PRDM16: variants seen among roughly 807,000 people sequenced by gnomAD.
PRDM16 encodes the protein histone-lysine N-methyltransferase PRDM16.
In PRDM16, 23 loss-of-function variants were observed where a neutral mutation model predicts 110.6. The ratio of observed to expected loss-of-function variants is 0.21; its 90% CI spans 0.15 to 0.29. The LOEUF is 0.29. PRDM16 is among the 10% of genes least tolerant of loss of function. The pLI is 1.00. For missense variants in PRDM16, 1,615 were observed against 1,794.3 expected (o/e 0.90, Z 1.81); for synonymous variants, 799 against 781.8 (o/e 1.02, Z -0.37).
rs2100576697 is a variant in PRDM16 at position 3,080,781 on chromosome 1, C to T, written c.37+11485C>T. ...GCGGTTTCTTCCGGGCCGGGGAAAT[C>T]TGAGCAGCCACAGGCGAATCTGGGA... On this transcript the variant is annotated intron_variant, in intron 1 of 16. Coordinates refer to ENST00000270722, the MANE Select transcript of PRDM16 (RefSeq NM_022114.4). The surrounding 1 kb of genome is among the most constrained non-coding windows in gnomAD (Gnocchi z 5.2). Among the ~76,000 whole-genome samples, 1 of 152,278 alleles carries T rather than the reference C, an allele frequency of 6.6e-6. No individual in the cohort carries two copies. Among genetic ancestry groups the T allele is most frequent in the Non-Finnish European group, 1.5e-5 (1 of 68,016 alleles).
chr1:3,101,530 G>A (rs1642534059), intron 1 of PRDM16, among the ~76,000 whole-genome samples: 1 of 152,236 alleles, frequency 6.6e-6, no homozygotes, highest in Admixed American at 6.5e-5. Context: ...GGGACACGGG[G>A]CCTGGAGAGG....
chr1:3,435,980 C>T lies in PRDM16; in HGVS notation c.*2169C>T, dbSNP rs961267283. 4.3e-5 allele frequency: 10 copies of T among 230,156 alleles called. No individual in the cohort carries two copies. The highest frequency in any genetic ancestry group is 6.6e-5 in the African/African-American group (3 of 45,130). 14.3% of individuals were successfully genotyped at this position (230,156 alleles called of 1,614,324 possible). On this transcript the variant is annotated 3_prime_UTR_variant, in exon 17 of 17. Coordinates refer to ENST00000270722, the MANE Select transcript of PRDM16 (RefSeq NM_022114.4). ...AGCTGCCTGCAGAAGAGCCAGCTGG[C>T]GTGTCGGGAAGGATCCAGGATCTGC... is the stretch of plus-strand genomic sequence containing the variant.
chr1:3,250,515 C>T (rs1639906148), intron 3 of PRDM16, among the ~76,000 whole-genome samples: 2 of 152,306 alleles, frequency 1.3e-5, no homozygotes, highest in South Asian at 4.1e-4. Flanking sequence ...ACCCCACCCC[C>T]ACCTCACCTG....
chr1:3,336,296 G>A (rs1024242603), intron 3 of PRDM16, among the ~76,000 whole-genome samples: 3 of 152,228 alleles, frequency 2.0e-5, no homozygotes, highest in African/African-American at 7.2e-5. Context: ...GTATGAGCAC[G>A]TGTGTGTCTG....
chr1:3,094,019 G>A (rs1048438046), intron 1 of PRDM16, among the ~76,000 whole-genome samples: 4 of 152,254 alleles, frequency 2.6e-5, no homozygotes, highest in Admixed American at 2.6e-4. Flanking sequence ...TTCAGGAAGT[G>A]CCGAGCAGAA....
intron 3 of PRDM16, among the ~76,000 whole-genome samples, chr1:3,340,023 A>G (rs1642240565): frequency 6.6e-6 from 1 of 152,184 alleles, no homozygotes; most frequent in Non-Finnish European, 1.5e-5. Flanking sequence ...TGCTCCGTCA[A>G]TGGCAGGCGA....
chr1:3,219,338 G>A (rs1353092785), intron 2 of PRDM16, among the ~76,000 whole-genome samples: 1 of 152,246 alleles, frequency 6.6e-6, no homozygotes, highest in African/African-American at 2.4e-5. Context: ...GCTCTAAAGA[G>A]GGTCAGGGCA....
At chr1:3,254,968 G>A (rs1385376852) in intron 3 of PRDM16, among the ~76,000 whole-genome samples, 8 of 152,140 alleles carry the variant, frequency 5.3e-5, no homozygotes, top group Admixed American at 2.6e-4. Context: ...GATATAGATC[G>A]ATGGAACAGA....
At chr1:3,402,207 G>A (rs979384005) in intron 5 of PRDM16, among the ~76,000 whole-genome samples, 5 of 152,176 alleles carry the variant, frequency 3.3e-5, no homozygotes, top group African/African-American at 9.7e-5. Flanking sequence ...GGGGTCTCCC[G>A]TCTTAGGTGG....
At chr1:3,379,214 C>G (rs1643053975) in intron 3 of PRDM16, among the ~76,000 whole-genome samples, 1 of 96,608 alleles carries the variant, frequency 1.0e-5, no homozygotes, top group Admixed American at 9.6e-5. Flanking sequence ...ACACCTCTCC[C>G]AGCACACCCC....
Position 3,359,180 on chromosome 1 carries a change from C to T in PRDM16, c.439-25972C>T, listed in dbSNP as rs534421225. On this transcript the variant is annotated intron_variant, in intron 3 of 16. Coordinates refer to ENST00000270722, the MANE Select transcript of PRDM16 (RefSeq NM_022114.4). The surrounding 1 kb of genome is among the most constrained non-coding windows in gnomAD (Gnocchi z 4.3). ...TCAGCCTCCCGAGTAGCTGGGACTACAGGCAGGTGCCACCGTGCCTAGTTA... is the reference window on the plus strand; with the variant it reads ...TCAGCCTCCCGAGTAGCTGGGACTATAGGCAGGTGCCACCGTGCCTAGTTA... Among the ~76,000 whole-genome samples, 2 of 152,274 alleles carry T rather than the reference C, an allele frequency of 1.3e-5. No homozygotes were observed. The highest frequency in any genetic ancestry group is 6.5e-5 in the Admixed American group (1 of 15,306).
In PRDM16 at chr1:3,425,397, A is replaced by T. The variant is rs1638573201; in HGVS notation, c.2940-184A>T. On this transcript the variant is annotated intron_variant, in intron 12 of 16. Transcript: ENST00000270722. This position sits in a 1 kb window ranked among gnomAD's most constrained non-coding sequence, Gnocchi z 6.9. Reference sequence around the variant, plus strand: ...CTTGAAGCCGGGGCTGTTTCTAGGGACAGCTTCCCCAGGATGCCTTTGGCT... The same window carrying T: ...CTTGAAGCCGGGGCTGTTTCTAGGGTCAGCTTCCCCAGGATGCCTTTGGCT... 5 of 589,866 alleles carry T rather than the reference A, an allele frequency of 8.5e-6. No homozygotes were observed. Among genetic ancestry groups the T allele is most frequent in the Admixed American group, 3.3e-5 (1 of 30,666 alleles). 36.5% of individuals were successfully genotyped at this position (589,866 alleles called of 1,614,324 possible).
chr1:3,254,712 G>A lies in PRDM16; in HGVS notation c.438+10575G>A, dbSNP rs562392306. ...CTCATGGATAGGAAGAATCAATATC[G>A]TGAAAATGGCCATACTGCCCAAGGT... is the stretch of plus-strand genomic sequence containing the variant. On this transcript the variant is annotated intron_variant, in intron 3 of 16. Coordinates refer to ENST00000270722, the MANE Select transcript of PRDM16 (RefSeq NM_022114.4). Among the ~76,000 whole-genome samples the A allele has an allele frequency of 2.0e-4, 30 of 152,094 alleles. No individual in the cohort carries two copies. In the South Asian group the frequency reaches 3.5e-3, roughly 18 times the overall value.
At chr1:3,107,810 C>G (rs1009352108) in intron 1 of PRDM16, among the ~76,000 whole-genome samples, 15 of 152,388 alleles carry the variant, frequency 9.8e-5, no homozygotes, top group African/African-American at 3.4e-4. Flanking sequence ...GCCTCACTCT[C>G]TCCCTGCCCT....
chr1:3,242,707 A>T (rs188718173), intron 2 of PRDM16, among the ~76,000 whole-genome samples: 1 of 152,168 alleles, frequency 6.6e-6, no homozygotes, highest in Non-Finnish European at 1.5e-5. Context: ...CAGCTCGTCA[A>T]TTGCACCTTG....
At chr1:3,228,186 G>A (rs565582119) in intron 2 of PRDM16, among the ~76,000 whole-genome samples, 1 of 152,350 alleles carries the variant, frequency 6.6e-6, no homozygotes, top group African/African-American at 2.4e-5. Context: ...CGGGACTGAA[G>A]CCTGGAAAAG....
chr1:3,332,236 A>T (rs1220825292), intron 3 of PRDM16, among the ~76,000 whole-genome samples: 1 of 152,282 alleles, frequency 6.6e-6, no homozygotes, highest in African/African-American at 2.4e-5. Flanking sequence ...AGATTCTGCC[A>T]CGCGCTGTGT....
At chr1:3,406,549 G>A (rs1248598999) in intron 8 of PRDM16, among the ~76,000 whole-genome samples, 2 of 151,492 alleles carry the variant, frequency 1.3e-5, no homozygotes, top group African/African-American at 4.9e-5. Flanking sequence ...GAGCAATGTA[G>A]CAAGACACCA....
At chr1:3,084,439 G>C (rs954797484) in intron 1 of PRDM16, among the ~76,000 whole-genome samples, 1 of 152,214 alleles carries the variant, frequency 6.6e-6, no homozygotes, top group Non-Finnish European at 1.5e-5. Flanking sequence ...GCTCTGGCAC[G>C]AGGCCCTTTG....
Sources: allele counts gnomAD v4.1 joint callset (sites outside exome capture counted in the v4.1 genomes callset), GRCh38; gene constraint gnomAD v4.1.1; non-coding constraint Gnocchi (gnomAD v3.1); transcripts MANE v1.5; gene names NCBI Gene and HGNC (gene_info 2026-07-23, HGNC 2026-07-21).